NRG3: variants seen among roughly 807,000 people sequenced by gnomAD.
NRG3 encodes pro-neuregulin-3, membrane-bound isoform.
Under a neutral mutation model 66.9 loss-of-function variants are expected in NRG3, and 31 were observed. That is an observed-to-expected ratio of 0.46 (90% CI 0.35 to 0.63). The LOEUF is 0.63. Ranked by LOEUF, NRG3 falls within the 20% of genes least tolerant of loss-of-function variation. The probability of loss-of-function intolerance (pLI) is 0.00; values close to 1 mark genes in which losing one functional copy is unlikely to be tolerated. For missense variants in NRG3, 910 were observed against 878.9 expected (o/e 1.04, Z -0.45); for synonymous variants, 393 against 359.4 (o/e 1.09, Z -1.06).
At chr10:81,981,533 T>G (rs552039139) in intron 1 of NRG3, among the ~76,000 whole-genome samples, 1 of 152,134 alleles carries the variant, frequency 6.6e-6, no homozygotes, top group Non-Finnish European at 1.5e-5. Context: ...CGTCTTCTGA[T>G]GCCTTGAGTG....
chr10:82,431,157 T>C (rs909957540), intron 2 of NRG3, among the ~76,000 whole-genome samples: 5 of 152,158 alleles, frequency 3.3e-5, no homozygotes, highest in Non-Finnish European at 7.3e-5. Context: ...AAATGCCCTA[T>C]GAATAGGGCT....
Position 82,973,932 on chromosome 10 carries a change from A to T in NRG3, c.1412+17A>T, listed in dbSNP as rs973850557. The T allele has an allele frequency of 6.2e-7, 1 of 1,613,644 alleles. No individual in the cohort carries two copies. The highest frequency in any genetic ancestry group is 1.1e-5 in the South Asian group (1 of 91,060). Reference sequence around the variant, plus strand: ...ACACCACAGGTACAAGTAGCTCATCATGGTGGGTGTGGGCACCTTCACACT... The same window carrying T: ...ACACCACAGGTACAAGTAGCTCATCTTGGTGGGTGTGGGCACCTTCACACT... On this transcript the variant is annotated intron_variant, in intron 7 of 8. Coordinates refer to ENST00000372141, the MANE Select transcript of NRG3 (RefSeq NM_001010848.4).
chr10:82,151,997 G>GC (rs1163588014), intron 1 of NRG3, among the ~76,000 whole-genome samples: 1 of 152,212 alleles, frequency 6.6e-6, no homozygotes, highest in African/African-American at 2.4e-5. Context: ...TAGCATAAGT[G>GC]CCTGGGACAG....
At chr10:82,909,289 A>C in intron 4 of NRG3, among the ~76,000 whole-genome samples, 1 of 152,322 alleles carries the variant, frequency 6.6e-6, no homozygotes, top group South Asian at 2.1e-4. Context: ...ACTTTAACAT[A>C]ATGAATCTTA....
chr10:82,694,011 A>T (rs1190118220), intron 2 of NRG3, among the ~76,000 whole-genome samples: 1 of 151,988 alleles, frequency 6.6e-6, no homozygotes, highest in African/African-American at 2.4e-5. Context: ...AGTGCTGATT[A>T]GTCCATTTTA....
chr10:82,788,616 A>G (rs12413773), intron 3 of NRG3, among the ~76,000 whole-genome samples: 21,529 of 152,002 alleles, frequency 0.14, 1,547 homozygotes, highest in South Asian at 0.22. Flanking sequence ...AGAATAAACT[A>G]TCTCCTTTGA....
chr10:82,064,352 AT>A (rs2064327831), intron 1 of NRG3, among the ~76,000 whole-genome samples: 1 of 151,836 alleles, frequency 6.6e-6, no homozygotes, highest in Non-Finnish European at 1.5e-5. Flanking sequence ...TCATTTTCTT[AT>A]GAAATATCAA....
chr10:82,238,984 T>C (rs2133974577), intron 1 of NRG3, among the ~76,000 whole-genome samples: 1 of 133,660 alleles, frequency 7.5e-6, no homozygotes, highest in Non-Finnish European at 1.7e-5. Flanking sequence ...CTCCAAGTCA[T>C]AAAGATATTT....
intron 1 of NRG3, among the ~76,000 whole-genome samples, chr10:82,298,676 A>C (rs1210395398): frequency 6.6e-6 from 1 of 152,138 alleles, no homozygotes; most frequent in Non-Finnish European, 1.5e-5. Context: ...ATCTGTGCTC[A>C]GTGTCCTTCC....
At position 81,935,876 on chromosome 10, in the gene NRG3, AACACACACACAC is replaced by A. The variant is rs55670416; in HGVS notation, c.823+59751_823+59762del. Among the ~76,000 whole-genome samples the A allele has an allele frequency of 5.1e-3, 674 of 132,512 alleles. 1 individual carries two copies. The highest frequency in any genetic ancestry group is 7.2e-3 in the Non-Finnish European group (444 of 61,666). 86.9% of individuals were successfully genotyped at this position (132,512 alleles called of 152,430 possible). A position where few individuals can be genotyped will look rare whatever the true frequency, so the allele number is the denominator to read the frequency against. ...TTTTCATTATACTTTTCAGTGCCTG[AACACACACACAC>A]ACACACACACACACACACACACACA... On this transcript the variant is annotated intron_variant, in intron 1 of 8. Transcript: ENST00000372141.
chr10:82,307,085 G>C (rs1296825844), intron 1 of NRG3, among the ~76,000 whole-genome samples: 1 of 151,706 alleles, frequency 6.6e-6, no homozygotes, highest in African/African-American at 2.4e-5. Context: ...ATTTTCATAT[G>C]TTTTGGGTGC....
At chr10:82,505,760 T>C (rs977471081) in intron 2 of NRG3, among the ~76,000 whole-genome samples, 2 of 152,188 alleles carry the variant, frequency 1.3e-5, no homozygotes, top group African/African-American at 4.8e-5. Flanking sequence ...CCGGGATTCT[T>C]TTTCCAACCT....
At chr10:82,945,607 C>G (rs2132304126) in intron 4 of NRG3, among the ~76,000 whole-genome samples, 1 of 152,222 alleles carries the variant, frequency 6.6e-6, no homozygotes, top group Middle Eastern at 3.4e-3. Context: ...CTGAATTCAT[C>G]CTCTTATCAG....
intron 4 of NRG3, among the ~76,000 whole-genome samples, chr10:82,886,513 A>G (rs1474605503): frequency 6.6e-6 from 1 of 152,098 alleles, no homozygotes; most frequent in Non-Finnish European, 1.5e-5. Flanking sequence ...TACCTATCCG[A>G]CTGACTTTGT....
chr10:82,876,330 AAT>A lies in NRG3; in HGVS notation c.1054+10894_1054+10895del, dbSNP rs576919372. On this transcript the variant is annotated intron_variant, in intron 4 of 8. Transcript: ENST00000372141. ...TTCTTATGTAATATGGTGAAACATTAATTATGTAGTAATTATATAGTGATAGA... is the reference window on the plus strand; with the variant it reads ...TTCTTATGTAATATGGTGAAACATTATATGTAGTAATTATATAGTGATAGA... Among the ~76,000 whole-genome samples the A allele has an allele frequency of 1.8e-3, 277 of 152,344 alleles. 2 individuals carry two copies. The South Asian group carries it at 0.02, about 11-fold the overall frequency.
chr10:81,974,447 G>T (rs1443757158), intron 1 of NRG3, among the ~76,000 whole-genome samples: 1 of 152,092 alleles, frequency 6.6e-6, no homozygotes, highest in Non-Finnish European at 1.5e-5. Flanking sequence ...TTGTCATGGA[G>T]AATAAGTTTT....
intron 2 of NRG3, among the ~76,000 whole-genome samples, chr10:82,626,778 A>G (rs546481980): frequency 3.7e-4 from 56 of 152,222 alleles, no homozygotes; most frequent in Non-Finnish European, 7.4e-4. Flanking sequence ...CATGACAGTC[A>G]AGAGCAGAGG....
chr10:82,189,725 G>A (rs1345657974), intron 1 of NRG3, among the ~76,000 whole-genome samples: 2 of 152,054 alleles, frequency 1.3e-5, no homozygotes, highest in African/African-American at 4.8e-5. Flanking sequence ...GGGAGGTGGA[G>A]GTTGCAGTGA....
At chr10:82,269,866 G>A (rs909048132) in intron 1 of NRG3, among the ~76,000 whole-genome samples, 5 of 152,110 alleles carry the variant, frequency 3.3e-5, no homozygotes, top group Middle Eastern at 3.4e-3. Flanking sequence ...TGAAAGACAC[G>A]GATTTCCTGC....
Sources: gnomAD v4.1 joint callset for allele counts (sites outside exome capture counted in the v4.1 genomes callset) on GRCh38, gnomAD v4.1.1 for gene constraint, MANE v1.5 for transcripts, NCBI Gene and HGNC (gene_info 2026-07-23, HGNC 2026-07-21) for gene names.